Variants in TEAD1 observed in about 807,000 individuals in gnomAD.
TEAD1 encodes the protein transcriptional enhancer factor TEF-1.
Under a neutral mutation model 54.9 loss-of-function variants are expected in TEAD1, and 9 were observed. The observed-to-expected ratio is 0.16, with a 90% CI of 0.10 to 0.29. The LOEUF (loss-of-function observed/expected upper bound fraction) is 0.29, where lower values mean the gene tolerates loss of function less well. TEAD1 is among the 10% of genes least tolerant of loss of function. TEAD1 has a pLI of 1.00. For missense variants in TEAD1, 387 were observed against 535.9 expected (o/e 0.72, Z 2.74); for synonymous variants, 200 against 187.8 (o/e 1.07, Z -0.53).
intron 8 of TEAD1, 61 bp downstream of exon 8, chr11:12,882,018 G>A (rs2304734): frequency 0.17 from 268,090 of 1,566,926 alleles, 27,378 homozygotes; most frequent in East Asian, 0.49. Flanking sequence ...AGCTGGGTCT[G>A]GCACTTTGTT....
intron 9 of TEAD1, among the ~76,000 whole-genome samples, chr11:12,898,346 A>G (rs1335269233): frequency 6.6e-6 from 1 of 152,008 alleles, no homozygotes; most frequent in African/African-American, 2.4e-5. Flanking sequence ...ATGTCACATG[A>G]TAATAAACTA....
chr11:12,739,240 CTA>C (rs1944602042), intron 2 of TEAD1, among the ~76,000 whole-genome samples: 1 of 152,026 alleles, frequency 6.6e-6, no homozygotes, highest in African/African-American at 2.4e-5. Context: ...ATCTATCTAT[CTA>C]TCAGTCATCT....
intron 3 of TEAD1, among the ~76,000 whole-genome samples, chr11:12,832,229 A>T (rs985029600): frequency 1.3e-5 from 2 of 152,188 alleles, no homozygotes; most frequent in African/African-American, 4.8e-5. Context: ...CCTATGAAGG[A>T]TTGTTTATCC....
intron 2 of TEAD1, among the ~76,000 whole-genome samples, chr11:12,682,366 G>A (rs1237688141): frequency 6.6e-6 from 1 of 152,214 alleles, no homozygotes. Flanking sequence ...CCTCGTGGGA[G>A]TGTAGCAGTT....
chr11:12,799,549 A>G lies in TEAD1; in HGVS notation c.202+35115A>G, dbSNP rs149043507. Among the ~76,000 whole-genome samples, 1,096 of 152,342 alleles carry G rather than the reference A, an allele frequency of 7.2e-3. 13 individuals are homozygous for G. The highest frequency in any genetic ancestry group is 0.025 in the African/African-American group (1,036 of 41,574). On this transcript the variant is annotated intron_variant, in intron 3 of 12. Transcript: ENST00000527636. ...CACCCACTAAAAATAAATCTCCTAC[A>G]GTGCTTTACAGTTTATAATTGCTTT...
intron 2 of TEAD1, among the ~76,000 whole-genome samples, chr11:12,742,443 G>C (rs954507353): frequency 3.3e-5 from 5 of 152,108 alleles, no homozygotes; most frequent in African/African-American, 1.2e-4. Flanking sequence ...GGGGTGAGAG[G>C]GTGGGTAGGG....
At chr11:12,733,581 C>G (rs1055155149) in intron 2 of TEAD1, among the ~76,000 whole-genome samples, 3 of 152,158 alleles carry the variant, frequency 2.0e-5, no homozygotes, top group African/African-American at 7.2e-5. Context: ...TTGCAGGGTT[C>G]TGAGGTAGAC....
intron 2 of TEAD1, among the ~76,000 whole-genome samples, chr11:12,758,228 G>GTTTT (rs200063279): frequency 6.8e-6 from 1 of 146,946 alleles, no homozygotes; most frequent in African/African-American, 2.5e-5. Context: ...CTAAGTTTTT[G>GTTTT]TTTTGTTTTT....
At chr11:12,753,823 A>G (rs1039234429) in intron 2 of TEAD1, among the ~76,000 whole-genome samples, 2 of 152,174 alleles carry the variant, frequency 1.3e-5, no homozygotes, top group East Asian at 3.8e-4. Context: ...CTTTATGGCC[A>G]TGTAGGTAAT....
At chr11:12,708,376 G>T (rs2133848071) in intron 2 of TEAD1, among the ~76,000 whole-genome samples, 1 of 152,172 alleles carries the variant, frequency 6.6e-6, no homozygotes, top group South Asian at 2.1e-4. Flanking sequence ...AAGAGACACA[G>T]TCGGTGAGGT....
intron 3 of TEAD1, among the ~76,000 whole-genome samples, chr11:12,854,225 C>T (rs1250848854): frequency 6.6e-6 from 1 of 152,152 alleles, no homozygotes; most frequent in Non-Finnish European, 1.5e-5. Flanking sequence ...CCTGTCCTTA[C>T]ACCTAATCTT....
intron 3 of TEAD1, among the ~76,000 whole-genome samples, chr11:12,783,271 A>G (rs1251073474): frequency 7.9e-6 from 1 of 126,874 alleles, no homozygotes; most frequent in Non-Finnish European, 1.6e-5. Flanking sequence ...ACCAGCTTTG[A>G]TTTTTGCAGG....
In TEAD1 at chr11:12,943,037, T is replaced by G. The variant is rs1949175368; in HGVS notation, c.*5815T>G. The G allele has an allele frequency of 1.3e-5, 2 of 152,194 alleles. No individual in the cohort carries two copies. Among genetic ancestry groups the G allele is most frequent in the South Asian group, 4.1e-4 (2 of 4,828 alleles). The allele number at this position is 152,194 out of a possible 1,614,324, so 9.4% of individuals were successfully genotyped here. A position where few individuals can be genotyped will look rare whatever the true frequency, so the allele number is the denominator to read the frequency against. On this transcript the variant is annotated 3_prime_UTR_variant, in exon 13 of 13. Coordinates refer to ENST00000527636, the MANE Select transcript of TEAD1 (RefSeq NM_021961.6). The stretch of plus-strand genomic sequence containing the variant: ...TGCTAATATAGATGTAAAAATAACA[T>G]CAGACATCTTTGAAAATTAGCCTCT...
chr11:12,870,698 C>G (rs1219801381), intron 5 of TEAD1, among the ~76,000 whole-genome samples: 3 of 152,058 alleles, frequency 2.0e-5, no homozygotes, highest in Non-Finnish European at 4.4e-5. Flanking sequence ...CCAGCCTGGG[C>G]AACACGGTGA....
At position 12,937,266 on chromosome 11, in the gene TEAD1, CAT is replaced by C. The variant is rs763297216; in HGVS notation, c.*47_*48del. The C allele has an allele frequency of 5.1e-5, 67 of 1,302,552 alleles. No homozygotes were observed. The East Asian group carries it at 1.4e-3, about 26-fold the overall frequency. 80.7% of individuals were successfully genotyped at this position (1,302,552 alleles called of 1,614,324 possible). On this transcript the variant is annotated 3_prime_UTR_variant, in exon 13 of 13. Transcript: ENST00000527636. ...ATAGATATCTGTATATACACACACA[CAT>C]ATGTGCACACACACACTCTCTCTCC...
chr11:12,794,055 C>T (rs146537461), intron 3 of TEAD1, among the ~76,000 whole-genome samples: 29 of 152,178 alleles, frequency 1.9e-4, no homozygotes, highest in African/African-American at 6.3e-4. Flanking sequence ...TCTTAAATTT[C>T]GCTTGCTTTG....
chr11:12,717,207 G>A (rs987856754), intron 2 of TEAD1, among the ~76,000 whole-genome samples: 1 of 152,200 alleles, frequency 6.6e-6, no homozygotes, highest in African/African-American at 2.4e-5. Flanking sequence ...TTGAATGTGG[G>A]GCAGTTGTAT....
chr11:12,882,894 C>T, intron 8 of TEAD1, 107 bp from the exon 9 acceptor site: 1 of 1,542,854 alleles, frequency 6.5e-7, no homozygotes, highest in Non-Finnish European at 8.9e-7. Context: ...GGAGAGGGGG[C>T]TGTTGGCATT....
intron 11 of TEAD1, among the ~76,000 whole-genome samples, chr11:12,929,773 A>G (rs1461898469): frequency 1.3e-5 from 2 of 152,130 alleles, no homozygotes; most frequent in Admixed American, 6.6e-5. Context: ...GAGATTAGCT[A>G]TATTGGTTGT....
Sources: gnomAD v4.1 joint callset for allele counts (sites outside exome capture counted in the v4.1 genomes callset) on GRCh38, gnomAD v4.1.1 for gene constraint, MANE v1.5 for transcripts, NCBI Gene and HGNC (gene_info 2026-07-23, HGNC 2026-07-21) for gene names.